The following B3GALT1 variants were observed in gnomAD, a reference collection of about 807,000 sequenced individuals.
B3GALT1 encodes the protein UDP-Gal:betaGlcNAc beta 1,3-galactosyltransferase, polypeptide 1.
B3GALT1 carries 10 observed loss-of-function variants against 23.2 expected under a neutral mutation model. That is an observed-to-expected ratio of 0.43 (90% CI 0.27 to 0.73). B3GALT1 has a LOEUF of 0.73. B3GALT1 is among the 30% of genes least tolerant of loss of function. The probability of loss-of-function intolerance (pLI) is 0.21; values close to 1 mark genes in which losing one functional copy is unlikely to be tolerated. For synonymous variants in B3GALT1, 156 were observed against 141.5 expected, an observed-to-expected ratio of 1.10 and a Z score of -0.73; for missense variants, 299 against 405.4, an observed-to-expected ratio of 0.74 and a Z score of 2.25.
At chr2:167,618,556 T>C (rs1685201815) in intron 2 of B3GALT1, among the ~76,000 whole-genome samples, 1 of 152,046 alleles carries the variant, frequency 6.6e-6, no homozygotes, top group Non-Finnish European at 1.5e-5. Flanking sequence ...ACATTAGTAC[T>C]ATCTAATCTA....
intron 2 of B3GALT1, among the ~76,000 whole-genome samples, chr2:167,640,599 G>A (rs1428236719): frequency 1.3e-5 from 2 of 151,738 alleles, no homozygotes; most frequent in Non-Finnish European, 2.9e-5. Context: ...TAGATATTGT[G>A]CAGACCAGAA....
At chr2:167,502,523 G>T (rs1386566188) in intron 2 of B3GALT1, among the ~76,000 whole-genome samples, 1 of 151,974 alleles carries the variant, frequency 6.6e-6, no homozygotes, top group Non-Finnish European at 1.5e-5. Context: ...CATAGCTGGG[G>T]AGGCCTCAGA....
chr2:167,724,243 G>T (rs1355557084), intron 3 of B3GALT1, among the ~76,000 whole-genome samples: 1 of 152,130 alleles, frequency 6.6e-6, no homozygotes, highest in Admixed American at 6.5e-5. Context: ...TTATTCCAAA[G>T]CTTAAATCCA....
intron 2 of B3GALT1, among the ~76,000 whole-genome samples, chr2:167,579,871 C>G (rs1684453981): frequency 6.6e-6 from 1 of 152,042 alleles, no homozygotes; most frequent in South Asian, 2.1e-4. Flanking sequence ...AAATCAATTC[C>G]TAGATGTAGA....
intron 3 of B3GALT1, among the ~76,000 whole-genome samples, chr2:167,732,866 T>C (rs1050896952): frequency 4.6e-5 from 7 of 152,248 alleles, no homozygotes; most frequent in Non-Finnish European, 1.0e-4. Context: ...GATTATGCTT[T>C]GTTAACAGCC....
At chr2:167,324,368 C>A (rs571304168) in intron 1 of B3GALT1, among the ~76,000 whole-genome samples, 1 of 152,024 alleles carries the variant, frequency 6.6e-6, no homozygotes, top group East Asian at 1.9e-4. Context: ...TGTCTTAGTT[C>A]ATGACATTAG....
chr2:167,707,499 T>C (rs72876818), intron 3 of B3GALT1, among the ~76,000 whole-genome samples: 15,820 of 76,892 alleles, frequency 0.21, 1,015 homozygotes, highest in Middle Eastern at 0.47. Context: ...GAAGAATTTA[T>C]TTTTCTTATT....
At chr2:167,600,334 C>G (rs1316595059) in intron 2 of B3GALT1, among the ~76,000 whole-genome samples, 1 of 152,132 alleles carries the variant, frequency 6.6e-6, no homozygotes. Flanking sequence ...TAGCCTTTTC[C>G]AATCTATAGT....
At chr2:167,714,914 A>C (rs1263339241) in intron 3 of B3GALT1, 12 of 1,611,342 alleles carry the variant, frequency 7.4e-6, no homozygotes, top group African/African-American at 4.0e-5. Flanking sequence ...TTCAGTCATT[A>C]TTTTAAGTTT....
chr2:167,579,915 C>A (rs1250472367), intron 2 of B3GALT1, among the ~76,000 whole-genome samples: 1 of 152,064 alleles, frequency 6.6e-6, no homozygotes, highest in East Asian at 1.9e-4. Context: ...AAGTTCCTAG[C>A]CTTTACATAG....
intron 3 of B3GALT1, among the ~76,000 whole-genome samples, chr2:167,732,721 A>G (rs143641334): frequency 6.6e-6 from 1 of 152,342 alleles, no homozygotes; most frequent in East Asian, 1.9e-4. Context: ...ATGTTCTTTA[A>G]TGAAAGGTAT....
chr2:167,675,448 A>G (rs1178095404), intron 3 of B3GALT1, among the ~76,000 whole-genome samples: 5 of 152,256 alleles, frequency 3.3e-5, no homozygotes, highest in Non-Finnish European at 5.9e-5. Flanking sequence ...GGAAAAATAT[A>G]TAAATGCCTC....
intron 1 of B3GALT1, among the ~76,000 whole-genome samples, chr2:167,476,889 C>CT (rs34711492): frequency 3.3e-5 from 5 of 152,114 alleles, no homozygotes; most frequent in African/African-American, 1.2e-4. Context: ...AGAGAAAATA[C>CT]TTTTTTTCTG....
intron 1 of B3GALT1, among the ~76,000 whole-genome samples, chr2:167,415,981 A>G (rs1698462393): frequency 1.3e-5 from 2 of 152,186 alleles, no homozygotes; most frequent in Admixed American, 1.3e-4. Context: ...TTAAAGATGG[A>G]ATTTATAATG....
At chr2:167,732,826 G>A (rs1272623819) in intron 3 of B3GALT1, among the ~76,000 whole-genome samples, 2 of 152,160 alleles carry the variant, frequency 1.3e-5, no homozygotes, top group Non-Finnish European at 2.9e-5. Flanking sequence ...AAAAAGAAGA[G>A]CAAAGAATAT....
chr2:167,340,680 C>A (rs940874174), intron 1 of B3GALT1, among the ~76,000 whole-genome samples: 4 of 152,112 alleles, frequency 2.6e-5, no homozygotes, highest in African/African-American at 9.7e-5. Context: ...AGTAAGTTCC[C>A]ACCACGCCAT....
chr2:167,433,398 T>C (rs1486258755), intron 1 of B3GALT1, among the ~76,000 whole-genome samples: 2 of 152,156 alleles, frequency 1.3e-5, no homozygotes, highest in South Asian at 4.1e-4. Context: ...CCTATAAACA[T>C]CCAAAAACTT....
chr2:167,828,486 A>G (rs1389814193), intron 4 of B3GALT1, among the ~76,000 whole-genome samples: 1 of 152,046 alleles, frequency 6.6e-6, no homozygotes, highest in African/African-American at 2.4e-5. Context: ...GGTTTCTGAT[A>G]TTTTTTCCTG....
At chr2:167,328,267 A>G (rs1004537914) in intron 1 of B3GALT1, among the ~76,000 whole-genome samples, 1 of 152,130 alleles carries the variant, frequency 6.6e-6, no homozygotes, top group Non-Finnish European at 1.5e-5. Flanking sequence ...TTCTTCTTCA[A>G]TTTTTTGGGA....
Sources: gnomAD v4.1 joint callset for allele counts (sites outside exome capture counted in the v4.1 genomes callset) on GRCh38, gnomAD v4.1.1 for gene constraint, MANE v1.5 for transcripts, NCBI Gene and HGNC (gene_info 2026-07-23, HGNC 2026-07-21) for gene names.